The following PRKN variants were observed in gnomAD, a reference collection of about 807,000 sequenced individuals.
PRKN encodes parkin RBR E3 ubiquitin protein ligase.
In PRKN, 56 loss-of-function variants were observed where a neutral mutation model predicts 59.5. The ratio of observed to expected loss-of-function variants is 0.94; its 90% CI spans 0.76 to 1.18. The LOEUF is 1.18. Ranked by LOEUF, PRKN falls within the 50% of genes most tolerant of loss-of-function variation. The pLI is 0.00. For missense variants in PRKN, 657 were observed against 596.4 expected (o/e 1.10, Z -1.06); for synonymous variants, 250 against 222.1 (o/e 1.13, Z -1.12).
rs546236292 is a variant in PRKN, at chr6:162,348,381, TATCTA to T, written c.172-85621_172-85617del. ...AATATCTGTAGAAGAGAAAAAAACA[TATCTA>T]ATAATCCACAAAGCATAAGTCACAA... On this transcript the variant is annotated intron_variant, in intron 2 of 11. Transcript: ENST00000366898. Among the ~76,000 whole-genome samples, 419 of 152,236 alleles carry T rather than the reference TATCTA, an allele frequency of 2.8e-3. 2 individuals carry two copies. Among genetic ancestry groups the T allele is most frequent in the African/African-American group, 9.6e-3 (400 of 41,534 alleles).
chr6:162,444,442 T>C (rs972853762), intron 1 of PRKN, among the ~76,000 whole-genome samples: 1 of 151,964 alleles, frequency 6.6e-6, no homozygotes, highest in African/African-American at 2.4e-5. Flanking sequence ...CATTCCAGCA[T>C]TTTCTTCATT....
intron 10 of PRKN, among the ~76,000 whole-genome samples, chr6:161,367,514 G>A (rs1319059478): frequency 2.0e-5 from 3 of 150,238 alleles, no homozygotes. Context: ...CAAAGGTTAT[G>A]GTTTTATTCC....
At chr6:162,143,478 T>C (rs964823627) in intron 4 of PRKN, among the ~76,000 whole-genome samples, 2 of 152,122 alleles carry the variant, frequency 1.3e-5, no homozygotes, top group Admixed American at 1.3e-4. Flanking sequence ...ATGGCGGCTT[T>C]AGACTACCTA....
chr6:162,102,284 C>T (rs1405384071), intron 4 of PRKN, among the ~76,000 whole-genome samples: 3 of 152,060 alleles, frequency 2.0e-5, no homozygotes, highest in East Asian at 1.9e-4. Context: ...TGAGAAGGTG[C>T]GGTGTCTGGT....
intron 2 of PRKN, among the ~76,000 whole-genome samples, chr6:162,317,762 T>C (rs919005985): frequency 6.6e-6 from 1 of 151,948 alleles, no homozygotes; most frequent in African/African-American, 2.4e-5. Flanking sequence ...TCGAGATACA[T>C]CCCATTCACC....
intron 2 of PRKN, among the ~76,000 whole-genome samples, chr6:162,315,796 T>G (rs1227451829): frequency 6.6e-6 from 1 of 152,206 alleles, no homozygotes; most frequent in Non-Finnish European, 1.5e-5. Flanking sequence ...ATTCATTTCA[T>G]AAAATTATAC....
chr6:161,535,293 A>G (rs962336724), intron 9 of PRKN, among the ~76,000 whole-genome samples: 5 of 152,250 alleles, frequency 3.3e-5, no homozygotes, highest in African/African-American at 1.2e-4. Context: ...GCCTGGGAAT[A>G]CGGAAAGTGA....
chr6:162,084,751 G>C (rs1032509618), intron 4 of PRKN, among the ~76,000 whole-genome samples: 1 of 151,842 alleles, frequency 6.6e-6, no homozygotes, highest in African/African-American at 2.4e-5. Context: ...CAGGAACTGT[G>C]GCATCTCTAT....
chr6:161,453,865 T>C (rs1246754655), intron 9 of PRKN, among the ~76,000 whole-genome samples: 1 of 151,834 alleles, frequency 6.6e-6, no homozygotes, highest in Non-Finnish European at 1.5e-5. Context: ...CTATACACAT[T>C]ATTCACATAG....
At chr6:161,915,960 T>C (rs1441390160) in intron 6 of PRKN, among the ~76,000 whole-genome samples, 1 of 152,102 alleles carries the variant, frequency 6.6e-6, no homozygotes, top group African/African-American at 2.4e-5. Context: ...GCTACAGTTA[T>C]GACTAAACAA....
intron 5 of PRKN, among the ~76,000 whole-genome samples, chr6:162,024,194 C>CTTTTTTTTTTTTTTT (rs111595639): frequency 4.9e-5 from 4 of 82,062 alleles, no homozygotes; most frequent in African/African-American, 1.0e-4. Flanking sequence ...TCCCCCAACC[C>CTTTTTTTTTTTTTTT]TTTTTTTTTT....
chr6:161,950,686 A>T (rs1779954444), intron 6 of PRKN, among the ~76,000 whole-genome samples: 1 of 152,198 alleles, frequency 6.6e-6, no homozygotes, highest in Non-Finnish European at 1.5e-5. Flanking sequence ...ATGGCGTTGT[A>T]GGGACTGTGA....
At chr6:161,877,873 G>A (rs970857739) in intron 6 of PRKN, among the ~76,000 whole-genome samples, 1 of 152,110 alleles carries the variant, frequency 6.6e-6, no homozygotes, top group African/African-American at 2.4e-5. Context: ...GGCCTTGTAA[G>A]GTCCCCTAAA....
chr6:162,720,192 C>A (rs537523173), intron 1 of PRKN, among the ~76,000 whole-genome samples: 1 of 152,242 alleles, frequency 6.6e-6, no homozygotes, highest in South Asian at 2.1e-4. Flanking sequence ...TAAAAAGTCT[C>A]AATCAGGACA....
intron 5 of PRKN, among the ~76,000 whole-genome samples, chr6:162,008,389 A>G (rs1185903126): frequency 6.6e-6 from 1 of 152,160 alleles, no homozygotes; most frequent in Non-Finnish European, 1.5e-5. Context: ...GATTTTGGTC[A>G]ATTGGTAGCA....
At chr6:161,677,951 T>G (rs1785150109) in intron 7 of PRKN, among the ~76,000 whole-genome samples, 1 of 152,180 alleles carries the variant, frequency 6.6e-6, no homozygotes, top group Non-Finnish European at 1.5e-5. Flanking sequence ...GCAAAAAATC[T>G]TTTAAGAACT....
chr6:162,724,242 C>T (rs1228079386), intron 1 of PRKN, among the ~76,000 whole-genome samples: 1 of 152,184 alleles, frequency 6.6e-6, no homozygotes, highest in East Asian at 1.9e-4. Flanking sequence ...TGCTTTATAT[C>T]ATCTTGAAGT....
chr6:161,775,799 G>C (rs1201074098), intron 7 of PRKN, among the ~76,000 whole-genome samples: 8 of 152,152 alleles, frequency 5.3e-5, no homozygotes, highest in African/African-American at 1.9e-4. Context: ...TAGGCATCGA[G>C]AATATCTCTG....
intron 2 of PRKN, among the ~76,000 whole-genome samples, chr6:162,310,145 T>C (rs980181583): frequency 6.6e-6 from 1 of 152,162 alleles, no homozygotes; most frequent in Admixed American, 6.6e-5. Flanking sequence ...GAGAGAGTAA[T>C]GAAAGATAAG....
Sources: gnomAD v4.1 joint callset for allele counts (sites outside exome capture counted in the v4.1 genomes callset) on GRCh38, gnomAD v4.1.1 for gene constraint, MANE v1.5 for transcripts, NCBI Gene and HGNC (gene_info 2026-07-23, HGNC 2026-07-21) for gene names.